Variants in FRMPD4 observed in about 807,000 individuals in gnomAD.
The protein encoded by FRMPD4 is FERM and PDZ domain containing 4, also known as FERM and PDZ domain-containing protein 4.
In FRMPD4, 22 loss-of-function variants were observed where a neutral mutation model predicts 94.1. That is an observed-to-expected ratio of 0.23 (90% CI 0.17 to 0.33). FRMPD4 has a LOEUF of 0.33. FRMPD4 is among the 10% of genes least tolerant of loss of function. The pLI, the probability that FRMPD4 is intolerant of heterozygous loss-of-function variation, is 1.00. For synonymous variants in FRMPD4, 631 were observed against 548.6 expected (o/e 1.15, Z -2.10); for missense variants, 1,111 against 1,339.9 (o/e 0.83, Z 2.67).
intron 1 of FRMPD4, among the ~76,000 whole-genome samples, chrX:12,166,480 A>G (rs1253730840): frequency 1.8e-5 from 2 of 111,279 alleles, no homozygotes; most frequent in African/African-American, 6.6e-5. Context: ...TTTTTGCATC[A>G]ATGTTCATCA....
intron 1 of FRMPD4, among the ~76,000 whole-genome samples, chrX:12,347,109 G>A (rs1028697899): frequency 9.0e-6 from 1 of 111,617 alleles, no homozygotes; most frequent in African/African-American, 3.3e-5. Flanking sequence ...AGGAATGCAG[G>A]CTAGATAAAT....
intron 4 of FRMPD4, among the ~76,000 whole-genome samples, chrX:12,629,156 A>G (rs754093213): frequency 8.9e-6 from 1 of 112,460 alleles, no homozygotes; most frequent in African/African-American, 3.2e-5. Flanking sequence ...GCGGGGACAC[A>G]GCCAAACCAT....
intron 3 of FRMPD4, among the ~76,000 whole-genome samples, chrX:11,970,436 G>A (rs768255576): frequency 3.6e-5 from 4 of 112,077 alleles, no homozygotes; most frequent in African/African-American, 6.5e-5. Context: ...TCCATGCTCC[G>A]TCATTGGGGC....
chrX:12,687,977 G>A (rs1206560602), intron 7 of FRMPD4, among the ~76,000 whole-genome samples: 4 of 111,854 alleles, frequency 3.6e-5, no homozygotes, highest in African/African-American at 1.3e-4. Flanking sequence ...ATCTGGTATG[G>A]CCCAAGGCCA....
chrX:11,853,958 T>A (rs1236779176), intron 1 of FRMPD4, among the ~76,000 whole-genome samples: 1 of 112,305 alleles, frequency 8.9e-6, no homozygotes, highest in Admixed American at 9.4e-5. Flanking sequence ...GTATTCTTGA[T>A]GAACATTGTA....
At chrX:12,316,209 C>T (rs1173414417) in intron 1 of FRMPD4, among the ~76,000 whole-genome samples, 1 of 111,392 alleles carries the variant, frequency 9.0e-6, no homozygotes, top group Non-Finnish European at 1.9e-5. Flanking sequence ...TTCAGTGGCA[C>T]GATCTCAGCT....
intron 3 of FRMPD4, among the ~76,000 whole-genome samples, chrX:12,079,697 T>A (rs990056555): frequency 3.6e-5 from 4 of 112,245 alleles, no homozygotes; most frequent in Non-Finnish European, 7.5e-5. Context: ...TAAGCCAAGG[T>A]AGTATTAGGT....
At chrX:12,707,744 T>G (rs1204582331) in intron 13 of FRMPD4, 93 bp downstream of exon 13, 2 of 690,188 alleles carry the variant, frequency 2.9e-6, no homozygotes, top group Non-Finnish European at 4.4e-6. Flanking sequence ...AAAGTCAATG[T>G]GTGCAGAGCA....
intron 2 of FRMPD4, among the ~76,000 whole-genome samples, chrX:12,542,042 C>A (rs146641185): frequency 8.9e-6 from 1 of 111,791 alleles, no homozygotes; most frequent in African/African-American, 3.2e-5. Context: ...ATTCAACAGC[C>A]CTTCATGCTA....
chrX:12,565,082 G>A lies in FRMPD4; in HGVS notation c.159-44639G>A, dbSNP rs1230508255. Among the ~76,000 whole-genome samples the A allele has an allele frequency of 1.1e-4, 5 of 45,668 alleles. No individual in the cohort carries two copies. In the East Asian group the frequency reaches 1.8e-3, roughly 16 times the overall value. 39.7% of individuals were successfully genotyped at this position (45,668 alleles called of 115,157 possible). On this transcript the variant is annotated intron_variant, in intron 2 of 16. Transcript: ENST00000675598. ...AGCCTGGGTGACAGAGAGAGACTCA[G>A]TCTCAAAAAAAAAAGTAGCATAGTA...
intron 1 of FRMPD4, among the ~76,000 whole-genome samples, chrX:11,841,658 C>G (rs1375914376): frequency 2.4e-4 from 27 of 110,824 alleles, no homozygotes; most frequent in East Asian, 1.1e-3. Flanking sequence ...CCCTTTGTCA[C>G]ATGAGTAGGT....
At chrX:11,953,207 A>G (rs889762914) in intron 3 of FRMPD4, among the ~76,000 whole-genome samples, 3 of 112,149 alleles carry the variant, frequency 2.7e-5, no homozygotes, top group Non-Finnish European at 5.6e-5. Context: ...ATTTGGTAAT[A>G]TCCTTCTTCC....
chrX:12,558,099 C>A (rs2058615689), intron 2 of FRMPD4, among the ~76,000 whole-genome samples: 1 of 112,339 alleles, frequency 8.9e-6, no homozygotes. Flanking sequence ...ACATCATGTC[C>A]AATTACAAAT....
intron 1 of FRMPD4, among the ~76,000 whole-genome samples, chrX:12,486,402 A>G (rs377252526): frequency 9.8e-5 from 11 of 112,395 alleles, no homozygotes; most frequent in Non-Finnish European, 1.5e-4. Context: ...AGGCCCTGCT[A>G]TAAGGGGCAC....
intron 2 of FRMPD4, among the ~76,000 whole-genome samples, chrX:12,556,709 G>A (rs903093811): frequency 2.1e-4 from 23 of 111,871 alleles, no homozygotes; most frequent in Admixed American, 1.6e-3. Flanking sequence ...TTAGAACCTC[G>A]TTAACTCTCA....
chrX:12,420,384 C>T (rs1217514378), intron 1 of FRMPD4, among the ~76,000 whole-genome samples: 1 of 112,171 alleles, frequency 8.9e-6, no homozygotes, highest in East Asian at 2.8e-4. Context: ...CTGTTTTCCA[C>T]TGTGCCACCA....
rs1322705108 is a variant in FRMPD4, at chrX:12,724,257, AC to A, written c.*2401del. On this transcript the variant is annotated 3_prime_UTR_variant, in exon 17 of 17. Coordinates refer to ENST00000675598, the MANE Select transcript of FRMPD4 (RefSeq NM_001368397.1). ...AAGTAGCTCTGGGTCCTTCTAATCAACCTCCCATTACTGCGCCAGTAAGTTT... is the reference window on the plus strand; with the variant it reads ...AAGTAGCTCTGGGTCCTTCTAATCAACTCCCATTACTGCGCCAGTAAGTTT... 9.0e-6 allele frequency: 1 copy of A among 111,050 alleles called. No homozygotes were observed. The highest frequency in any genetic ancestry group is 1.9e-5 in the Non-Finnish European group (1 of 52,941). The allele number at this position is 111,050 out of a possible 1,213,427, so 9.2% of individuals were successfully genotyped here.
chrX:11,926,852 C>T (rs764363976), intron 3 of FRMPD4, among the ~76,000 whole-genome samples: 22 of 111,228 alleles, frequency 2.0e-4, no homozygotes, highest in Non-Finnish European at 3.6e-4. Context: ...ACAAGGATGC[C>T]GTCTCTCACC....
At chrX:12,251,003 A>G (rs1465666279) in intron 1 of FRMPD4, among the ~76,000 whole-genome samples, 1 of 112,092 alleles carries the variant, frequency 8.9e-6, no homozygotes, top group Non-Finnish European at 1.9e-5. Context: ...TAACTTTACT[A>G]TGAGCACCTA....
Sources: gnomAD v4.1 joint callset for allele counts (sites outside exome capture counted in the v4.1 genomes callset) on GRCh38, gnomAD v4.1.1 for gene constraint, MANE v1.5 for transcripts, NCBI Gene and HGNC (gene_info 2026-07-23, HGNC 2026-07-21) for gene names.